DAB2IP: variants seen among roughly 807,000 people sequenced by gnomAD.
The protein encoded by DAB2IP is disabled homolog 2-interacting protein.
Under a neutral mutation model 107.2 loss-of-function variants are expected in DAB2IP, and 28 were observed. The observed-to-expected ratio is 0.26, with a 90% confidence interval of 0.19 to 0.36. The LOEUF (loss-of-function observed/expected upper bound fraction) is 0.36, where lower values mean the gene tolerates loss of function less well. DAB2IP is among the 10% of genes least tolerant of loss of function. The probability of loss-of-function intolerance (pLI) is 1.00; values close to 1 mark genes in which losing one functional copy is unlikely to be tolerated. For missense variants in DAB2IP, 1,400 were observed against 1,644.7 expected (o/e 0.85, Z 2.57); for synonymous variants, 755 against 706.4 (o/e 1.07, Z -1.09).
chr9:121,610,295 A>G (rs1334236445), intron 1 of DAB2IP, among the ~76,000 whole-genome samples: 1 of 152,128 alleles, frequency 6.6e-6, no homozygotes, highest in Non-Finnish European at 1.5e-5. Context: ...AGTACGGTGC[A>G]TGGCCTCTCT....
At chr9:121,668,435 C>T (rs1216571264) in intron 1 of DAB2IP, among the ~76,000 whole-genome samples, 9 of 152,062 alleles carry the variant, frequency 5.9e-5, no homozygotes, top group African/African-American at 1.9e-4. Context: ...ATGGTGGTCT[C>T]GCTGTGTTAC....
chr9:121,573,649 C>T (rs1179818862), intron 1 of DAB2IP, among the ~76,000 whole-genome samples: 2 of 152,120 alleles, frequency 1.3e-5, no homozygotes, highest in Non-Finnish European at 1.5e-5. Context: ...TCCCAAAATG[C>T]TGGGATTAGA....
Position 121,782,762 on chromosome 9 carries a change from G to A in DAB2IP, c.*264G>A. 1.5e-6 allele frequency: 2 copies of A among 1,331,222 alleles called. No individual in the cohort carries two copies. The highest frequency in any genetic ancestry group is 1.9e-6 in the Non-Finnish European group (2 of 1,039,668). The allele number at this position is 1,331,222 out of a possible 1,614,324, so 82.5% of individuals were successfully genotyped here. A position where few individuals can be genotyped will look rare whatever the true frequency, so the allele number is the denominator to read the frequency against. The stretch of plus-strand genomic sequence containing the variant: ...TGGGGAGTGGGGACAGCCTGATGGG[G>A]CAGGGGGCCTGCCAAAAATATGTCT... On this transcript the variant is annotated 3_prime_UTR_variant, in exon 16 of 16. Transcript: ENST00000408936. This position sits in a 1 kb window ranked among gnomAD's most constrained non-coding sequence, Gnocchi z 6.1.
intron 1 of DAB2IP, among the ~76,000 whole-genome samples, chr9:121,671,834 G>A (rs1036472550): frequency 6.6e-6 from 1 of 152,148 alleles, no homozygotes; most frequent in Non-Finnish European, 1.5e-5. Context: ...CCTATTGGTG[G>A]ACATTTAGGT....
chr9:121,739,907 T>C (rs1169492555), intron 3 of DAB2IP, among the ~76,000 whole-genome samples: 1 of 151,636 alleles, frequency 6.6e-6, no homozygotes, highest in African/African-American at 2.4e-5. Flanking sequence ...GGAAAGGAGG[T>C]GAGGTGCTAG....
rs1441423859 is a variant in DAB2IP, at chr9:121,760,348, G to A, written c.1079G>A (p.Cys360Tyr). 1 of 1,612,982 alleles carries A rather than the reference G, an allele frequency of 6.2e-7. No homozygotes were observed. The highest frequency in any genetic ancestry group is 8.5e-7 in the Non-Finnish European group (1 of 1,180,016). Residue 360 changes from cysteine (C) to tyrosine (Y), a missense_variant, in exon 6 of 16, where the codon TGT becomes TAT. By Grantham distance (194) the Cys-to-Tyr change is radical (BLOSUM62 -2). Coordinates refer to ENST00000408936, the Ensembl canonical transcript of DAB2IP. The surrounding 1 kb of genome is among the most constrained non-coding windows in gnomAD (Gnocchi z 5.9). Reference sequence around the variant, plus strand: ...ATCACCAACCACTACCTGGGGCTGTGTGCAGCCCTCGAGCCCATCCTCAGT... The same window carrying A: ...ATCACCAACCACTACCTGGGGCTGTATGCAGCCCTCGAGCCCATCCTCAGT...
At chr9:121,770,860 G>T in intron 11 of DAB2IP, 136 bp downstream of exon 11, 1 of 1,173,892 alleles carries the variant, frequency 8.5e-7, no homozygotes, top group Non-Finnish European at 1.2e-6. Context: ...GAGTTGTACA[G>T]GTCCTAAGTG....
At chr9:121,678,146 A>G (rs761650526) in intron 1 of DAB2IP, among the ~76,000 whole-genome samples, 1 of 152,028 alleles carries the variant, frequency 6.6e-6, no homozygotes, top group African/African-American at 2.4e-5. Flanking sequence ...TTAAGCAATA[A>G]CTCCTTGTTC....
At position 121,646,521 on chromosome 9, in the gene DAB2IP, C is replaced by A. The variant is rs1229894127; in HGVS notation, c.41-32157C>A. 2.1e-4 allele frequency among the ~76,000 whole-genome samples: 30 copies of A among 146,116 alleles called. No homozygotes were observed. In the East Asian group the frequency reaches 2.1e-3, roughly 10 times the overall value. Reference sequence around the variant, plus strand: ...CCACCCCGACCCTCTGTCCCCCCCACCCCCACCCCTGCCCAGAGCTCCAGA... The same window carrying A: ...CCACCCCGACCCTCTGTCCCCCCCAACCCCACCCCTGCCCAGAGCTCCAGA... On this transcript the variant is annotated intron_variant, in intron 1 of 16. Transcript: ENST00000259371.
chr9:121,682,448 G>C (rs1193224425), intron 2 of DAB2IP, among the ~76,000 whole-genome samples: 3 of 152,220 alleles, frequency 2.0e-5, no homozygotes, highest in East Asian at 3.8e-4. Flanking sequence ...TGGAAACTGA[G>C]GCCTGGGAAG....
At chr9:121,735,683 G>C (rs1035699018) in intron 3 of DAB2IP, among the ~76,000 whole-genome samples, 2 of 152,170 alleles carry the variant, frequency 1.3e-5, no homozygotes, top group Non-Finnish European at 2.9e-5. Context: ...GCTGGTGGCT[G>C]TAAGGGAAGG....
chr9:121,622,145 C>T (rs560730283), intron 1 of DAB2IP, among the ~76,000 whole-genome samples: 49 of 151,986 alleles, frequency 3.2e-4, no homozygotes, highest in African/African-American at 9.6e-4. Flanking sequence ...TGTGCCACCA[C>T]GCTCGGCTAA....
In DAB2IP at chr9:121,657,551, C is replaced by T. The variant is rs141899654; in HGVS notation, c.124+5652C>T. ...TCACTTTCCTTTACCAGGTGGGAAA[C>T]GGAGCTCTGGGTGTGATATTTCCTC... is the stretch of plus-strand genomic sequence containing the variant. On this transcript the variant is annotated intron_variant, in intron 1 of 15. Coordinates refer to ENST00000408936, the Ensembl canonical transcript of DAB2IP. Among the ~76,000 whole-genome samples the T allele has an allele frequency of 3.3e-3, 501 of 152,260 alleles. 5 individuals carry two copies. Among genetic ancestry groups the T allele is most frequent in the Middle Eastern group, 3.4e-3 (1 of 294 alleles).
Position 121,782,391 on chromosome 9 carries a change from C to A in DAB2IP, c.3463C>A (p.Leu1155Met), listed in dbSNP as rs948104513. Residue 1155 changes from leucine (L) to methionine (M), a missense_variant, in exon 16 of 16, where the codon CTG (leucine) becomes ATG (methionine). Leu to Met is a conservative substitution (Grantham distance 15, BLOSUM62 2). Around this residue, in one of 3 missense-constraint regions of DAB2IP, gnomAD observed 600 missense variants for 659.1 expected, o/e 0.91. Coordinates refer to ENST00000408936, the Ensembl canonical transcript of DAB2IP. This position sits in a 1 kb window ranked among gnomAD's most constrained non-coding sequence, Gnocchi z 6.1. ...CCGCCTCATGAGTGCCCTGACCCAG[C>A]TGAAAGAGAGGTACAGCATGCAAGC... 2.5e-6 allele frequency: 4 copies of A among 1,614,108 alleles called. No individual in the cohort carries two copies. The highest frequency in any genetic ancestry group is 3.4e-6 in the Non-Finnish European group (4 of 1,179,968).
chr9:121,694,875 A>C (rs1829342641), intron 2 of DAB2IP, among the ~76,000 whole-genome samples: 1 of 152,168 alleles, frequency 6.6e-6, no homozygotes, highest in Non-Finnish European at 1.5e-5. Context: ...AGCCTTGTGC[A>C]AAAGCCCTGG....
intron 3 of DAB2IP, among the ~76,000 whole-genome samples, chr9:121,722,163 C>CGATCTCT (rs1157142326): frequency 6.6e-6 from 1 of 152,218 alleles, no homozygotes; most frequent in Non-Finnish European, 1.5e-5. Flanking sequence ...TGGGGGCTGT[C>CGATCTCT]GATCTCTCCG....
intron 1 of DAB2IP, among the ~76,000 whole-genome samples, chr9:121,584,255 C>A (rs1830267891): frequency 6.6e-6 from 1 of 151,980 alleles, no homozygotes; most frequent in African/African-American, 2.4e-5. Context: ...AAATAATAAT[C>A]ATAATAATAA....
At chr9:121,667,858 A>G (rs1260469399) in intron 1 of DAB2IP, among the ~76,000 whole-genome samples, 2 of 152,214 alleles carry the variant, frequency 1.3e-5, no homozygotes, top group East Asian at 1.9e-4. Flanking sequence ...TGATAAAGAC[A>G]TACCCAAGAC....
intron 2 of DAB2IP, among the ~76,000 whole-genome samples, chr9:121,696,988 A>G (rs1829461356): frequency 6.6e-6 from 1 of 152,154 alleles, no homozygotes; most frequent in African/African-American, 2.4e-5. Context: ...TCTAGCACAT[A>G]ATGGCTCTCA....
Sources: allele counts gnomAD v4.1 joint callset (sites outside exome capture counted in the v4.1 genomes callset), GRCh38; gene constraint gnomAD v4.1.1; regional missense constraint gnomAD v4.1.1; non-coding constraint Gnocchi (gnomAD v3.1); transcripts MANE v1.5; gene names NCBI Gene and HGNC (gene_info 2026-07-23, HGNC 2026-07-21).